Variants in ANO3 observed in about 807,000 individuals in gnomAD.
ANO3 encodes anoctamin-3.
In ANO3, 99 loss-of-function variants were observed where a neutral mutation model predicts 144.8. The ratio of observed to expected loss-of-function variants is 0.68; its 90% CI spans 0.58 to 0.81. ANO3 has a LOEUF of 0.81. Among genes scored for constraint, ANO3 ranks in the 30% least tolerant of loss-of-function variants. ANO3 has a pLI of 0.00. For missense variants in ANO3, 905 were observed against 1,202.2 expected (o/e 0.75, Z 3.66); for synonymous variants, 414 against 392.6 (o/e 1.05, Z -0.64).
intron 17 of ANO3, among the ~76,000 whole-genome samples, chr11:26,623,840 G>A (rs1451848465): frequency 1.3e-5 from 2 of 151,806 alleles, no homozygotes; most frequent in African/African-American, 2.4e-5. Flanking sequence ...AGGCTGGAGT[G>A]CAGTGGCACG....
At chr11:26,335,395 G>A (rs1029042893) in intron 1 of ANO3, among the ~76,000 whole-genome samples, 3 of 151,742 alleles carry the variant, frequency 2.0e-5, no homozygotes, top group Admixed American at 6.6e-5. Flanking sequence ...ATAATTTCTT[G>A]CCTTTTTTTT....
At chr11:26,293,664 G>A (rs1008039313) in intron 1 of ANO3, among the ~76,000 whole-genome samples, 1 of 149,970 alleles carries the variant, frequency 6.7e-6, no homozygotes, top group African/African-American at 2.5e-5. Context: ...TATGGAGACA[G>A]AATATTTCAC....
chr11:26,353,103 C>G (rs755246914), intron 1 of ANO3, among the ~76,000 whole-genome samples: 5 of 152,160 alleles, frequency 3.3e-5, no homozygotes, highest in Non-Finnish European at 7.3e-5. Context: ...GAGCGTCTGT[C>G]TTTATGGGTT....
At chr11:26,402,136 T>A (rs954800695) in intron 1 of ANO3, among the ~76,000 whole-genome samples, 1 of 151,966 alleles carries the variant, frequency 6.6e-6, no homozygotes, top group African/African-American at 2.4e-5. Flanking sequence ...ATTAGAAAGA[T>A]TTGTATTTCT....
At chr11:26,281,522 A>T (rs923701706) in intron 1 of ANO3, among the ~76,000 whole-genome samples, 9 of 152,188 alleles carry the variant, frequency 5.9e-5, no homozygotes, top group African/African-American at 1.9e-4. Context: ...AACTAAAATT[A>T]ACAAAAAGAC....
chr11:26,477,850 T>C (rs1442823917), intron 4 of ANO3, among the ~76,000 whole-genome samples: 1 of 152,164 alleles, frequency 6.6e-6, no homozygotes, highest in Non-Finnish European at 1.5e-5. Flanking sequence ...TTGAGTAATT[T>C]TACTTATAAG....
chr11:26,414,354 C>CAATAGACTG (rs1336461267), intron 1 of ANO3, among the ~76,000 whole-genome samples: 2 of 151,932 alleles, frequency 1.3e-5, no homozygotes, highest in Non-Finnish European at 2.9e-5. Context: ...TGCCTATCAA[C>CAATAGACTG]AATAGACTGG....
chr11:26,332,057 C>A (rs1156635964), upstream of ANO3: 13 of 1,387,056 alleles, frequency 9.4e-6, no homozygotes, highest in African/African-American at 1.5e-5. Flanking sequence ...CCCAGAGTAG[C>A]CGCTAAGGGG....
chr11:26,317,692 C>G (rs1375310153), intron 1 of ANO3, among the ~76,000 whole-genome samples: 2 of 152,164 alleles, frequency 1.3e-5, no homozygotes, highest in Non-Finnish European at 2.9e-5. Flanking sequence ...TTGTGGAAGA[C>G]AGTGTGGAGA....
At chr11:26,499,559 A>C (rs1279812059) in intron 4 of ANO3, among the ~76,000 whole-genome samples, 1 of 151,602 alleles carries the variant, frequency 6.6e-6, no homozygotes, top group Non-Finnish European at 1.5e-5. Flanking sequence ...CACTATATCC[A>C]TGAAAATTTT....
At chr11:26,250,260 T>G (rs1484538331) in intron 1 of ANO3, among the ~76,000 whole-genome samples, 1 of 152,218 alleles carries the variant, frequency 6.6e-6, no homozygotes, top group Non-Finnish European at 1.5e-5. Context: ...GCTATGGGTA[T>G]TTTATGTTTT....
chr11:26,385,989 G>T (rs1856721236), intron 1 of ANO3, among the ~76,000 whole-genome samples: 1 of 151,866 alleles, frequency 6.6e-6, no homozygotes, highest in Non-Finnish European at 1.5e-5. Context: ...CTAGAAACAA[G>T]ATCACCCAGT....
chr11:26,401,757 G>A (rs1303579265), intron 1 of ANO3, among the ~76,000 whole-genome samples: 1 of 151,886 alleles, frequency 6.6e-6, no homozygotes, highest in Non-Finnish European at 1.5e-5. Context: ...CATGTCTACA[G>A]TCCCAGCCAC....
intron 4 of ANO3, among the ~76,000 whole-genome samples, chr11:26,492,070 G>T (rs1246484515): frequency 6.6e-6 from 1 of 152,108 alleles, no homozygotes; most frequent in Non-Finnish European, 1.5e-5. Context: ...CTCCAATGTG[G>T]ATAAGCAAAA....
intron 1 of ANO3, among the ~76,000 whole-genome samples, chr11:26,377,910 C>T (rs543567525): frequency 2.4e-4 from 36 of 152,204 alleles, no homozygotes; most frequent in African/African-American, 8.7e-4. Context: ...TGCAGAATTG[C>T]ATACTTTGTG....
chr11:26,251,363 G>A (rs1275324234), intron 1 of ANO3, among the ~76,000 whole-genome samples: 2 of 152,166 alleles, frequency 1.3e-5, no homozygotes, highest in African/African-American at 4.8e-5. Flanking sequence ...TATAGGCTTT[G>A]AAATCCAATG....
intron 21 of ANO3, among the ~76,000 whole-genome samples, chr11:26,640,897 T>G (rs1003948273): frequency 4.6e-5 from 7 of 152,118 alleles, no homozygotes; most frequent in African/African-American, 1.7e-4. Flanking sequence ...TCGCCTCAAC[T>G]CTCACCTCCA....
At chr11:26,589,612 C>T (rs572600400) in intron 14 of ANO3, among the ~76,000 whole-genome samples, 1 of 151,524 alleles carries the variant, frequency 6.6e-6, no homozygotes, top group African/African-American at 2.4e-5. Flanking sequence ...CCAAAAGTCC[C>T]TGCCCCTGGC....
chr11:26,380,655 T>C (rs1440740008), intron 1 of ANO3, among the ~76,000 whole-genome samples: 1 of 152,164 alleles, frequency 6.6e-6, no homozygotes, highest in Non-Finnish European at 1.5e-5. Flanking sequence ...TTTTAACATA[T>C]GAATTTTCAG....
Sources: allele counts gnomAD v4.1 joint callset (sites outside exome capture counted in the v4.1 genomes callset), GRCh38; gene constraint gnomAD v4.1.1; transcripts MANE v1.5; gene names NCBI Gene and HGNC (gene_info 2026-07-23, HGNC 2026-07-21).